AFF3: variants seen among roughly 807,000 people sequenced by gnomAD.
The protein encoded by AFF3 is ALF transcription elongation factor 3.
A neutral mutation model predicts 129.7 loss-of-function variants in AFF3; 32 were observed. That is an observed-to-expected ratio of 0.25 (90% CI 0.19 to 0.33). The LOEUF (loss-of-function observed/expected upper bound fraction) is 0.33, where lower values mean the gene tolerates loss of function less well. Among genes scored for constraint, AFF3 ranks in the 10% least tolerant of loss-of-function variants. The pLI is 1.00. For missense variants in AFF3, 1,373 were observed against 1,592.0 expected (o/e 0.86, Z 2.34); for synonymous variants, 644 against 635.4 (o/e 1.01, Z -0.20).
At chr2:99,919,699 A>G (rs1216576598) in intron 7 of AFF3, among the ~76,000 whole-genome samples, 1 of 152,162 alleles carries the variant, frequency 6.6e-6, no homozygotes, top group Non-Finnish European at 1.5e-5. Flanking sequence ...AACCAAAAGT[A>G]TGCACAAGAA....
intron 4 of AFF3, among the ~76,000 whole-genome samples, chr2:100,054,455 G>GATTAA (rs879433324): frequency 6.6e-6 from 1 of 152,196 alleles, no homozygotes; most frequent in African/African-American, 2.4e-5. Flanking sequence ...AGATATAAGG[G>GATTAA]GGAATCTCTT....
intron 4 of AFF3, among the ~76,000 whole-genome samples, chr2:100,092,353 T>C: frequency 6.6e-6 from 1 of 151,960 alleles, no homozygotes; most frequent in Middle Eastern, 3.2e-3. Context: ...CTCCTCTCCA[T>C]CCTCACCGGC....
intron 13 of AFF3, among the ~76,000 whole-genome samples, chr2:99,648,934 C>CTCTCTCTCTCTCTCTCTCTCTCTT (rs138353584): frequency 0.044 from 5,243 of 118,480 alleles, 362 homozygotes; most frequent in Middle Eastern, 0.087. Context: ...CTCTCTCTCT[C>CTCTCTCTCTCTCTCTCTCTCTCTT]TCTCCAATCT....
In AFF3 at chr2:100,006,825, A is replaced by T; in HGVS notation, c.680T>A (p.Val227Asp). Residue 227 changes from valine to aspartate, a missense_variant, in exon 7 of 25, where the codon GTC (valine) becomes GAC (aspartate). By Grantham distance (152) the Val-to-Asp change is radical. Transcript: ENST00000672756. The part of the protein sequence containing the change: ...PPSLASKPSL[V>D]QQKPTAYVRP... ...CACATACGCGGTCGGTTTCTGCTGG[A>T]CCAGGCTGGGTTTTGAAGCTAGGGA... The T allele has an allele frequency of 6.2e-7, 1 of 1,614,160 alleles. No individual in the cohort carries two copies. The highest frequency in any genetic ancestry group is 8.5e-7 in the Non-Finnish European group (1 of 1,180,026).
intron 12 of AFF3, among the ~76,000 whole-genome samples, chr2:99,666,144 G>C (rs748485488): frequency 6.6e-6 from 1 of 152,160 alleles, no homozygotes; most frequent in Non-Finnish European, 1.5e-5. Context: ...GAGAAGTTTA[G>C]GTTTCTCTGC....
chr2:99,783,291 T>A (rs1684538329), intron 8 of AFF3, among the ~76,000 whole-genome samples: 1 of 152,202 alleles, frequency 6.6e-6, no homozygotes. Flanking sequence ...CTGTGGAGAT[T>A]CTGAAAAGCT....
chr2:100,098,303 T>C (rs1690435653), intron 4 of AFF3, among the ~76,000 whole-genome samples: 1 of 152,126 alleles, frequency 6.6e-6, no homozygotes, highest in Non-Finnish European at 1.5e-5. Flanking sequence ...AAAAAAATTA[T>C]GTTACCATTA....
In AFF3 at chr2:99,672,175, T is replaced by TACACACACAC. The variant is rs1558728727; in HGVS notation, c.1143+362_1143+363insGTGTGTGTGT. On this transcript the variant is annotated intron_variant, in intron 12 of 24. Transcript: ENST00000672756. ...TTTGATCTCCAGAAGGCCAGTTAGC[T>TACACACACAC]TCTCACACACACACACACACACACA... 2.1e-4 allele frequency among the ~76,000 whole-genome samples: 29 copies of TACACACACAC among 139,630 alleles called. No individual in the cohort carries two copies. The East Asian group carries it at 3.7e-3, about 18-fold the overall frequency. 91.6% of individuals were successfully genotyped at this position (139,630 alleles called of 152,430 possible). A position where few individuals can be genotyped will look rare whatever the true frequency, so the allele number is the denominator to read the frequency against.
At chr2:100,102,541 A>G (rs1256896041) in intron 4 of AFF3, among the ~76,000 whole-genome samples, 1 of 150,960 alleles carries the variant, frequency 6.6e-6, no homozygotes, top group East Asian at 2.0e-4. Flanking sequence ...AATTCAACAG[A>G]TATTTATTCT....
At chr2:100,068,471 C>T (rs751346608) in intron 4 of AFF3, among the ~76,000 whole-genome samples, 111 of 152,190 alleles carry the variant, frequency 7.3e-4, no homozygotes, top group Non-Finnish European at 1.3e-3. Flanking sequence ...TTGAACTTGG[C>T]GCCTGACACA....
intron 13 of AFF3, among the ~76,000 whole-genome samples, chr2:99,649,154 G>A (rs1251237476): frequency 6.6e-6 from 1 of 152,084 alleles, no homozygotes; most frequent in East Asian, 1.9e-4. Flanking sequence ...CCAAAGCAAG[G>A]AGTAAAAAGT....
At position 99,549,020 on chromosome 2, in the gene AFF3, G is replaced by A. The variant is rs991981795; in HGVS notation, c.*2454C>T. On this transcript the variant is annotated 3_prime_UTR_variant, in exon 25 of 25. Transcript: ENST00000672756. The stretch of plus-strand genomic sequence containing the variant: ...GCCATCAGAGTGCTGATAAAACACT[G>A]CTGGCCCACCTGTCAAATGGGGCTT... The A allele has an allele frequency of 8.7e-6, 2 of 229,436 alleles. No homozygotes were observed. Among genetic ancestry groups the A allele is most frequent in the African/African-American group, 4.4e-5 (2 of 45,110 alleles). 14.2% of individuals were successfully genotyped at this position (229,436 alleles called of 1,614,324 possible).
At chr2:99,562,576 T>C (rs1018713623) in intron 20 of AFF3, among the ~76,000 whole-genome samples, 1 of 152,242 alleles carries the variant, frequency 6.6e-6, no homozygotes, top group Non-Finnish European at 1.5e-5. Flanking sequence ...TATTGAAGCA[T>C]TTTTACGATG....
At chr2:99,810,366 A>C (rs1048576312) in intron 8 of AFF3, among the ~76,000 whole-genome samples, 4 of 152,202 alleles carry the variant, frequency 2.6e-5, no homozygotes, top group Admixed American at 6.5e-5. Context: ...CCCATCTGAG[A>C]GATAATTACA....
At chr2:99,762,985 G>A (rs1227278694) in intron 8 of AFF3, among the ~76,000 whole-genome samples, 2 of 152,236 alleles carry the variant, frequency 1.3e-5, no homozygotes, top group Non-Finnish European at 2.9e-5. Context: ...CAACAGACAT[G>A]GTGATTTTTA....
At chr2:100,092,564 G>A (rs926230859) in intron 4 of AFF3, among the ~76,000 whole-genome samples, 1 of 152,196 alleles carries the variant, frequency 6.6e-6, no homozygotes, top group African/African-American at 2.4e-5. Flanking sequence ...AGCCATGCAA[G>A]GCCCTCTGAG....
chr2:99,995,809 G>GTT (rs1310720531), intron 7 of AFF3, among the ~76,000 whole-genome samples: 1 of 152,034 alleles, frequency 6.6e-6, no homozygotes, highest in Admixed American at 6.6e-5. Context: ...TGGAAAAACT[G>GTT]TTTACAATGT....
intron 12 of AFF3, among the ~76,000 whole-genome samples, chr2:99,654,129 G>A (rs777620839): frequency 1.3e-5 from 2 of 152,050 alleles, no homozygotes; most frequent in Admixed American, 1.3e-4. Flanking sequence ...ATCTGCCTGC[G>A]TCAGCCTCCC....
intron 16 of AFF3, among the ~76,000 whole-genome samples, chr2:99,585,403 A>C (rs1678000778): frequency 6.6e-6 from 1 of 152,154 alleles, no homozygotes; most frequent in Admixed American, 6.5e-5. Context: ...TGATAGTAGT[A>C]ATCACAATTC....
Sources: allele counts gnomAD v4.1 joint callset (sites outside exome capture counted in the v4.1 genomes callset), GRCh38; gene constraint gnomAD v4.1.1; transcripts MANE v1.5; gene names NCBI Gene and HGNC (gene_info 2026-07-23, HGNC 2026-07-21).